SYN3: variants seen among roughly 807,000 people sequenced by gnomAD.
SYN3 encodes the protein synapsin III.
Under a neutral mutation model 65.8 loss-of-function variants are expected in SYN3, and 35 were observed. The observed-to-expected ratio is 0.53, with a 90% CI of 0.41 to 0.70. The LOEUF (loss-of-function observed/expected upper bound fraction) is 0.70. Ranked by LOEUF, SYN3 falls within the 30% of genes least tolerant of loss-of-function variation. The probability of loss-of-function intolerance (pLI) is 0.00; values close to 1 mark genes in which losing one functional copy is unlikely to be tolerated. For synonymous variants in SYN3, 270 were observed against 292.9 expected, an observed-to-expected ratio of 0.92 and a Z score of 0.80; for missense variants, 680 against 749.0, an observed-to-expected ratio of 0.91 and a Z score of 1.08.
chr22:32,541,245 GCAAGGTATT>G (rs1310856480), intron 8 of SYN3, among the ~76,000 whole-genome samples: 1 of 152,164 alleles, frequency 6.6e-6, no homozygotes, highest in Non-Finnish European at 1.5e-5. Flanking sequence ...AAAACCCTCA[GCAAGGTATT>G]CAAAGCCCTC....
At chr22:32,536,065 T>C (rs1233602405) in intron 9 of SYN3, among the ~76,000 whole-genome samples, 1 of 152,222 alleles carries the variant, frequency 6.6e-6, no homozygotes, top group African/African-American at 2.4e-5. Context: ...GGATGGCCCA[T>C]GCAGCCTGGG....
At chr22:33,027,637 C>G (rs5998700) in intron 1 of SYN3, among the ~76,000 whole-genome samples, 17 of 149,620 alleles carry the variant, frequency 1.1e-4, no homozygotes, top group African/African-American at 1.7e-4. Flanking sequence ...GACAGACAGA[C>G]AGAGAGAGAG....
intron 6 of SYN3, among the ~76,000 whole-genome samples, chr22:32,732,196 G>C (rs2061279913): frequency 6.6e-6 from 1 of 152,158 alleles, no homozygotes; most frequent in Admixed American, 6.5e-5. Context: ...TCATTTGACA[G>C]TAAGGCAGGG....
rs116551399 is a variant in SYN3 at position 32,754,726 on chromosome 22, C to G, written c.711+110189G>C. 9.8e-3 allele frequency among the ~76,000 whole-genome samples: 1,499 copies of G among 152,330 alleles called. 26 individuals carry two copies. The highest frequency in any genetic ancestry group is 0.034 in the African/African-American group (1,411 of 41,570). On this transcript the variant is annotated intron_variant, in intron 6 of 13. Transcript: ENST00000358763. Reference sequence around the variant, plus strand: ...TACCATACAGTCCTACACCTTGATGCCTTTGCTCCTTCGGCACTTGCTGAA... The same window carrying G: ...TACCATACAGTCCTACACCTTGATGGCTTTGCTCCTTCGGCACTTGCTGAA...
At position 33,023,873 on chromosome 22, in the gene SYN3, AT is replaced by A. The variant is rs1456821516; in HGVS notation, c.-162-17050del. Among the ~76,000 whole-genome samples the A allele has an allele frequency of 2.0e-5, 3 of 152,320 alleles. No homozygotes were observed. In the East Asian group the frequency reaches 5.8e-4, roughly 29 times the overall value. The stretch of plus-strand genomic sequence containing the variant: ...TTTAGCAATACTCACCTACTCTAAA[AT>A]CAATCATATATGTATTCTAGTCTAT... On this transcript the variant is annotated intron_variant, in intron 1 of 13. Transcript: ENST00000358763.
intron 6 of SYN3, among the ~76,000 whole-genome samples, chr22:32,768,537 A>T (rs1178346111): frequency 6.6e-6 from 1 of 152,192 alleles, no homozygotes; most frequent in Non-Finnish European, 1.5e-5. Flanking sequence ...CCATATATGT[A>T]TAATCAACTG....
intron 3 of SYN3, among the ~76,000 whole-genome samples, chr22:32,962,803 TCTATCTATCTATC>T (rs1471942280): frequency 3.2e-4 from 3 of 9,488 alleles, no homozygotes; most frequent in African/African-American, 2.5e-3. Flanking sequence ...AGTATCGGCA[TCTATCTATCTATC>T]TATCTATCTA....
intron 6 of SYN3, among the ~76,000 whole-genome samples, chr22:32,638,055 G>A (rs2059844036): frequency 6.6e-6 from 1 of 152,156 alleles, no homozygotes; most frequent in African/African-American, 2.4e-5. Context: ...ATTCATAAGT[G>A]AGAACATGCA....
At chr22:32,609,707 G>T (rs577220263) in intron 6 of SYN3, among the ~76,000 whole-genome samples, 1 of 151,946 alleles carries the variant, frequency 6.6e-6, no homozygotes, top group East Asian at 1.9e-4. Flanking sequence ...GCCCAGGCTG[G>T]ACTCAAACTC....
At chr22:33,005,796 T>G (rs1399062234) in intron 2 of SYN3, among the ~76,000 whole-genome samples, 1 of 152,174 alleles carries the variant, frequency 6.6e-6, no homozygotes, top group African/African-American at 2.4e-5. Context: ...TTTATCCTCA[T>G]AACAAGCTCA....
chr22:32,831,171 G>C (rs2047563985), intron 6 of SYN3, among the ~76,000 whole-genome samples: 1 of 152,154 alleles, frequency 6.6e-6, no homozygotes, highest in African/African-American at 2.4e-5. Flanking sequence ...TCCTTCAGGA[G>C]GGTGTGGGAG....
At chr22:32,788,186 G>A (rs965103357) in intron 6 of SYN3, among the ~76,000 whole-genome samples, 1 of 152,050 alleles carries the variant, frequency 6.6e-6, no homozygotes, top group Admixed American at 6.6e-5. Flanking sequence ...TCAACCAACC[G>A]TGGATGGAAA....
At chr22:32,603,941 G>A (rs907210889) in intron 6 of SYN3, among the ~76,000 whole-genome samples, 10 of 152,342 alleles carry the variant, frequency 6.6e-5, no homozygotes, top group Non-Finnish European at 1.3e-4. Flanking sequence ...TCCCCACCCA[G>A]ATAAGGGCTT....
intron 1 of SYN3, among the ~76,000 whole-genome samples, chr22:33,018,952 C>G (rs1282751577): frequency 6.6e-6 from 1 of 152,186 alleles, no homozygotes; most frequent in African/African-American, 2.4e-5. Flanking sequence ...TCATCCCCTC[C>G]TCTCCATCAT....
chr22:32,564,896 A>G (rs2058643931), intron 7 of SYN3, among the ~76,000 whole-genome samples: 1 of 149,340 alleles, frequency 6.7e-6, no homozygotes, highest in Admixed American at 6.7e-5. Context: ...CTGCACCCTA[A>G]CAGTGCTCCC....
At chr22:32,663,205 G>A (rs959052337) in intron 6 of SYN3, among the ~76,000 whole-genome samples, 8 of 152,172 alleles carry the variant, frequency 5.3e-5, no homozygotes, top group East Asian at 3.9e-4. Flanking sequence ...TCTTGCTGCC[G>A]CCATGTAAGA....
chr22:33,006,564 G>A lies in SYN3; in HGVS notation c.99C>T (p.Ser33=). Residue 33 remains serine (S), a synonymous_variant, in exon 2 of 14, where the codon AGC becomes AGT. Transcript: ENST00000358763. ...TDLQRPDSST[S]SPASPAMERR... ...TCTCCATGGCGGGGGAAGCAGGTGA[G>A]CTGGTGGAGCTATCTGGGCGTTGCA... 1 of 1,614,190 alleles carries A rather than the reference G, an allele frequency of 6.2e-7. No individual in the cohort carries two copies. Among genetic ancestry groups the A allele is most frequent in the Non-Finnish European group, 8.5e-7 (1 of 1,180,022 alleles).
intron 7 of SYN3, among the ~76,000 whole-genome samples, chr22:32,586,192 A>G (rs902841903): frequency 6.6e-6 from 1 of 151,852 alleles, no homozygotes; most frequent in African/African-American, 2.4e-5. Context: ...ATACACATGC[A>G]GTTGATTCTC....
intron 7 of SYN3, among the ~76,000 whole-genome samples, chr22:32,567,330 C>CTCCT (rs2058685371): frequency 7.7e-6 from 1 of 129,788 alleles, no homozygotes; most frequent in South Asian, 3.4e-4. Context: ...TCCTCCCTCC[C>CTCCT]TCCCTCCCTC....
Sources: allele counts gnomAD v4.1 joint callset (sites outside exome capture counted in the v4.1 genomes callset), GRCh38; gene constraint gnomAD v4.1.1; transcripts MANE v1.5; gene names NCBI Gene and HGNC (gene_info 2026-07-23, HGNC 2026-07-21).